The following FCSK variants were observed in gnomAD, a reference collection of about 807,000 sequenced individuals.
The protein encoded by FCSK is fucose kinase, also known as L-fucose kinase.
In FCSK, 123 loss-of-function variants were observed where a neutral mutation model predicts 122.5. The observed-to-expected ratio is 1.00, with a 90% CI of 0.87 to 1.17. FCSK has a LOEUF of 1.17. Ranked by LOEUF, FCSK falls within the 50% of genes most tolerant of loss-of-function variation. The pLI is 0.00. For missense variants in FCSK, 1,366 were observed against 1,450.4 expected (o/e 0.94, Z 0.95); for synonymous variants, 620 against 625.5 (o/e 0.99, Z 0.13).
chr16:70,466,681 T>G (rs1303605091), intron 5 of FCSK: 1 of 587,050 alleles, frequency 1.7e-6, no homozygotes, highest in Non-Finnish European at 3.0e-6. Flanking sequence ...TGGGTGACAG[T>G]GAGACCCTGT....
chr16:70,462,898 G>A (rs2048312050), intron 1 of FCSK, among the ~76,000 whole-genome samples: 1 of 152,150 alleles, frequency 6.6e-6, no homozygotes, highest in South Asian at 2.1e-4. Context: ...CCCCACCTCA[G>A]CCTCCCAAAG....
In FCSK at chr16:70,480,009, C is replaced by T. The variant is rs1000001487; in HGVS notation, c.*329C>T. ...GTTGACAGCCAGCCTTGGCATATGG[C>T]TGGGAGTCCCTTAGCAAGGCCAACC... is the stretch of plus-strand genomic sequence containing the variant. On this transcript the variant is annotated 3_prime_UTR_variant, in exon 24 of 24. Transcript: ENST00000288078. 1.4e-4 allele frequency: 33 copies of T among 230,238 alleles called. No individual in the cohort carries two copies. Among genetic ancestry groups the T allele is most frequent in the Non-Finnish European group, 2.2e-4 (26 of 116,100 alleles). 14.3% of individuals were successfully genotyped at this position (230,238 alleles called of 1,614,324 possible). A position where few individuals can be genotyped will look rare whatever the true frequency, so the allele number is the denominator to read the frequency against.
rs760937597 is a variant in FCSK at position 70,479,371 on chromosome 16, G to C, written c.3121G>C (p.Glu1041Gln). 14 of 1,613,660 alleles carry C rather than the reference G, an allele frequency of 8.7e-6. No individual in the cohort carries two copies. The highest frequency in any genetic ancestry group is 1.3e-5 in the African/African-American group (1 of 74,930). Residue 1041 changes from glutamate (E) to glutamine (Q), a missense_variant, in exon 23 of 24, where the codon GAG becomes CAG. Transcript: ENST00000288078. ...YLLTKEPQQK[E>Q]ALEAVLAKTE... ...GTTGACCAAGGAGCCACAGCAAAAG[G>C]AGGCCTTGGAGGCGGTGCTGGCCAA...
intron 5 of FCSK, 200 bp from the exon 6 acceptor site, chr16:70,466,678 CAGTG>C: frequency 1.7e-6 from 1 of 585,204 alleles, no homozygotes; most frequent in Non-Finnish European, 3.0e-6. Flanking sequence ...GCCTGGGTGA[CAGTG>C]AGACCCTGTC....
chr16:70,478,967 G>GTGGCTTCACACA (rs1486883987), intron 22 of FCSK: 5 of 668,646 alleles, frequency 7.5e-6, no homozygotes, highest in Non-Finnish European at 1.1e-5. Context: ...CTCCCTAGAT[G>GTGGCTTCACACA]CCGACTATGC....
In FCSK at chr16:70,468,237, C is replaced by T. The variant is rs558073593; in HGVS notation, c.663+271C>T. On this transcript the variant is annotated intron_variant, in intron 8 of 23. Transcript: ENST00000288078. ...AGGAGTTCGAGACCAGTCTGGGCAA[C>T]GTGGTGAAACCCTGTCTCTACTAAA... 2.2e-4 allele frequency among the ~76,000 whole-genome samples: 34 copies of T among 152,266 alleles called. No individual in the cohort carries two copies. The South Asian group carries it at 4.8e-3, about 21-fold the overall frequency.
At position 70,473,499 on chromosome 16, in the gene FCSK, G is replaced by A; in HGVS notation, c.1777+146G>A. On this transcript the variant is annotated intron_variant, in intron 15 of 23. Coordinates refer to ENST00000288078, the MANE Select transcript of FCSK (RefSeq NM_145059.3). The surrounding 1 kb of genome is among the most constrained non-coding windows in gnomAD (Gnocchi z 4.9). Reference sequence around the variant, plus strand: ...GCTGGAGTTTACTTTTAGGATTCTGGAAGGCCTCATCCTTGTCAATGGGGT... The same window carrying A: ...GCTGGAGTTTACTTTTAGGATTCTGAAAGGCCTCATCCTTGTCAATGGGGT... 1 of 1,028,104 alleles carries A rather than the reference G, an allele frequency of 9.7e-7. No individual in the cohort carries two copies. The allele number at this position is 1,028,104 out of a possible 1,614,324, so 63.7% of individuals were successfully genotyped here.
At chr16:70,465,053 C>A in intron 3 of FCSK, 73 bp from the exon 4 acceptor site, 1 of 1,591,746 alleles carries the variant, frequency 6.3e-7, no homozygotes, top group African/African-American at 1.3e-5. Context: ...GAGTCTCTCT[C>A]TGGATTCGAG....
At chr16:70,471,723 C>T (rs576161826) in intron 13 of FCSK, among the ~76,000 whole-genome samples, 1 of 151,968 alleles carries the variant, frequency 6.6e-6, no homozygotes, top group South Asian at 2.1e-4. Context: ...CTCAGCCTCA[C>T]GAATAGCTGG....
At position 70,479,770 on chromosome 16, in the gene FCSK, C is replaced by A. The variant is rs2048941565; in HGVS notation, c.*90C>A. The A allele has an allele frequency of 2.1e-6, 2 of 948,864 alleles. No homozygotes were observed. Among genetic ancestry groups the A allele is most frequent in the Non-Finnish European group, 1.6e-6 (1 of 624,540 alleles). 58.8% of individuals were successfully genotyped at this position (948,864 alleles called of 1,614,324 possible). On this transcript the variant is annotated 3_prime_UTR_variant, in exon 24 of 24. Coordinates refer to ENST00000288078, the MANE Select transcript of FCSK (RefSeq NM_145059.3). ...ATGGGAACCTCCACCTCCTACTCCCCACCCACCTCTGCGAATCTGCTCCCA... is the reference window on the plus strand; with the variant it reads ...ATGGGAACCTCCACCTCCTACTCCCAACCCACCTCTGCGAATCTGCTCCCA...
intron 22 of FCSK, 69 bp downstream of exon 22, chr16:70,478,719 C>T (rs2048898662): frequency 7.7e-7 from 1 of 1,300,230 alleles, no homozygotes. Flanking sequence ...GGTTTGAGGC[C>T]AGGGTCATCT....
intron 20 of FCSK, chr16:70,477,938 C>T (rs1447064888): frequency 1.2e-5 from 3 of 245,244 alleles, no homozygotes; most frequent in Non-Finnish European, 2.4e-5. Flanking sequence ...CCGCCTTAGC[C>T]TCCCAAAGTG....
chr16:70,472,912 C>T (rs986731969), intron 14 of FCSK, 71 bp from the exon 15 acceptor site: 40 of 1,498,360 alleles, frequency 2.7e-5, no homozygotes, highest in Admixed American at 1.1e-4. Flanking sequence ...AACTGACAGG[C>T]GGCTCAGGGC....
intron 12 of FCSK, 47 bp downstream of exon 12, chr16:70,471,119 C>T (rs2048601405): frequency 3.8e-6 from 6 of 1,590,054 alleles, no homozygotes; most frequent in Admixed American, 1.7e-5. Flanking sequence ...TGCTGGCATC[C>T]CGCATGTGTT....
intron 4 of FCSK, 44 bp from the exon 5 acceptor site, chr16:70,466,088 G>C: frequency 1.3e-6 from 2 of 1,598,694 alleles, no homozygotes; most frequent in East Asian, 4.5e-5. Context: ...GGTGGCCTTG[G>C]GCTCTGTGCA....
At chr16:70,478,060 C>T in intron 20 of FCSK, 1 of 581,038 alleles carries the variant, frequency 1.7e-6, no homozygotes, top group Non-Finnish European at 3.1e-6. Flanking sequence ...AAACTCAGGC[C>T]TTGGGAATTC....
rs2048879526 is a variant in FCSK at position 70,478,324 on chromosome 16, G to A, written c.2694G>A (p.Gly898=). The change falls in exon 21 of 24, where the codon GGG becomes GGA. Residue 898 remains glycine, a synonymous_variant. Transcript: ENST00000288078. ...GCCTAATGCCTGGCATCAAGGTGGG[G>A]CGCTCCCGGGCTCAGCTGCCACTGA... The part of the protein sequence containing the change: ...VGGLMPGIKV[G]RSRAQLPLKV... 6.2e-7 allele frequency: 1 copy of A among 1,614,086 alleles called. No homozygotes were observed. Among genetic ancestry groups the A allele is most frequent in the African/African-American group, 1.3e-5 (1 of 74,954 alleles).
rs1267155189 is a variant in FCSK, at chr16:70,471,316, C to T, written c.1305C>T (p.His435=). The T allele has an allele frequency of 1.6e-5, 25 of 1,598,246 alleles. No individual in the cohort carries two copies. The highest frequency in any genetic ancestry group is 6.7e-5 in the South Asian group (6 of 89,008). Residue 435 remains histidine (H), a synonymous_variant, in exon 13 of 24, where the codon CAC becomes CAT. Coordinates refer to ENST00000288078, the MANE Select transcript of FCSK (RefSeq NM_145059.3). ...HHTRLHGSPG[H]AFTLVGRLDS... is the part of the protein sequence containing the mutation. ...CGCGGCTACACGGCTCCCCGGGCCA[C>T]GCCTTCACCCTCGTTGGCCGTCTGG...
chr16:70,473,128 G>T lies in FCSK; in HGVS notation c.1552G>T (p.Ala518Ser). 2 of 1,571,922 alleles carry T rather than the reference G, an allele frequency of 1.3e-6. No homozygotes were observed. The highest frequency in any genetic ancestry group is 1.7e-4 in the Middle Eastern group (1 of 5,938). ...GGACCACCAGGAGGATGGGGGCGAG[G>T]CCCTGCGAGCCTGGCGGGCCTCCTG... is the stretch of plus-strand genomic sequence containing the variant. Reference protein sequence around the residue: ...MLDHQEDGGEALRAWRASWRL... With the variant: ...MLDHQEDGGESLRAWRASWRL... Residue 518 changes from alanine to serine, a missense_variant, in exon 15 of 24, where the codon GCC becomes TCC. Ala to Ser is a moderately conservative substitution (Grantham distance 99). Transcript: ENST00000288078. The surrounding 1 kb of genome is among the most constrained non-coding windows in gnomAD (Gnocchi z 4.9).
Sources: allele counts gnomAD v4.1 joint callset (sites outside exome capture counted in the v4.1 genomes callset), GRCh38; gene constraint gnomAD v4.1.1; non-coding constraint Gnocchi (gnomAD v3.1); transcripts MANE v1.5; gene names NCBI Gene and HGNC (gene_info 2026-07-23, HGNC 2026-07-21).